ARHGEF38: variants seen among roughly 807,000 people sequenced by gnomAD.
ARHGEF38 encodes the protein Rho guanine nucleotide exchange factor (GEF) 38.
Under a neutral mutation model 79.9 loss-of-function variants are expected in ARHGEF38, and 79 were observed. The observed-to-expected ratio is 0.99, with a 90% confidence interval of 0.82 to 1.19. The LOEUF is 1.19. Among genes scored for constraint, ARHGEF38 ranks in the 50% most tolerant of loss-of-function variants. The pLI is 0.00. For synonymous variants in ARHGEF38, 366 were observed against 328.3 expected, an observed-to-expected ratio of 1.11 and a Z score of -1.24; for missense variants, 962 against 907.2, an observed-to-expected ratio of 1.06 and a Z score of -0.78.
intron 13 of ARHGEF38, among the ~76,000 whole-genome samples, chr4:105,676,141 TTC>T (rs1244795615): frequency 6.6e-6 from 1 of 152,236 alleles, no homozygotes; most frequent in Admixed American, 6.5e-5. Context: ...ACACTACGCA[TTC>T]TCTTTCTCTG....
At chr4:105,649,436 G>T (rs1729997641) in intron 7 of ARHGEF38, among the ~76,000 whole-genome samples, 1 of 152,182 alleles carries the variant, frequency 6.6e-6, no homozygotes, top group Non-Finnish European at 1.5e-5. Context: ...GTATTTTGAA[G>T]CCAATGATTT....
At chr4:105,568,934 A>G (rs563332013) in intron 1 of ARHGEF38, among the ~76,000 whole-genome samples, 34 of 152,350 alleles carry the variant, frequency 2.2e-4, no homozygotes, top group Middle Eastern at 3.4e-3. Context: ...CAAAACCTTA[A>G]GCTTGGTATA....
chr4:105,566,190 G>A (rs1189875508), intron 1 of ARHGEF38, among the ~76,000 whole-genome samples: 1 of 152,142 alleles, frequency 6.6e-6, no homozygotes, highest in Non-Finnish European at 1.5e-5. Flanking sequence ...TCTATCACTT[G>A]TACTTCAGCT....
At chr4:105,604,991 T>G (rs1727980495) in intron 2 of ARHGEF38, among the ~76,000 whole-genome samples, 1 of 152,190 alleles carries the variant, frequency 6.6e-6, no homozygotes, top group African/African-American at 2.4e-5. Context: ...CTAAACAATT[T>G]CTGAAAAGAT....
At chr4:105,605,710 G>A (rs551343135) in intron 2 of ARHGEF38, among the ~76,000 whole-genome samples, 9 of 152,148 alleles carry the variant, frequency 5.9e-5, no homozygotes, top group East Asian at 1.9e-4. Flanking sequence ...ACCCTGAAAC[G>A]CTTTGTAATC....
Position 105,648,593 on chromosome 4 carries a change from A to C in ARHGEF38, c.919A>C (p.Lys307Gln). Residue 307 changes from lysine (K) to glutamine (Q), a missense_variant, in exon 7 of 14, where the codon AAA becomes CAA. Physicochemically the swap from Lys to Gln is moderately conservative, Grantham distance 53. Transcript: ENST00000420470. The stretch of plus-strand genomic sequence containing the variant: ...TGACGAGGATGAATCACTTAAAGAC[A>C]AATTGTCTAAACTAAATATTCATTC... ...KNDEDESLKD[K>Q]LSKLNIHSIS... 6.5e-7 allele frequency: 1 copy of C among 1,531,348 alleles called. No individual in the cohort carries two copies. Among genetic ancestry groups the C allele is most frequent in the Non-Finnish European group, 8.7e-7 (1 of 1,145,080 alleles). The allele number at this position is 1,531,348 out of a possible 1,614,324, so 94.9% of individuals were successfully genotyped here. A position where few individuals can be genotyped will look rare whatever the true frequency, so the allele number is the denominator to read the frequency against.
At chr4:105,677,695 T>A (rs1731170574) in intron 13 of ARHGEF38, 57 bp from the exon 14 acceptor site, 4 of 1,335,848 alleles carry the variant, frequency 3.0e-6, no homozygotes, top group Non-Finnish European at 3.9e-6. Flanking sequence ...ACTTTTATGA[T>A]GTTTCTCTTA....
At chr4:105,615,437 A>T (rs989756793) in intron 3 of ARHGEF38, among the ~76,000 whole-genome samples, 1 of 152,196 alleles carries the variant, frequency 6.6e-6, no homozygotes, top group Non-Finnish European at 1.5e-5. Context: ...TACAGTGAAA[A>T]TTTTTAAAAA....
Position 105,583,683 on chromosome 4 carries a change from A to G in ARHGEF38, c.197-5565A>G, listed in dbSNP as rs78265225. Among the ~76,000 whole-genome samples the G allele has an allele frequency of 2.0e-5, 3 of 152,224 alleles. No homozygotes were observed. In the South Asian group the frequency reaches 6.2e-4, roughly 32 times the overall value. On this transcript the variant is annotated intron_variant, in intron 1 of 13. Coordinates refer to ENST00000420470, the MANE Select transcript of ARHGEF38 (RefSeq NM_001242729.2). Reference sequence around the variant, plus strand: ...AAATTATTTATGTTCTTCTTCCCCAACTAGAAGTAAAGTTCCATAAGGAAA... The same window carrying G: ...AAATTATTTATGTTCTTCTTCCCCAGCTAGAAGTAAAGTTCCATAAGGAAA...
chr4:105,618,256 A>G (rs1219164457), intron 3 of ARHGEF38, among the ~76,000 whole-genome samples: 1 of 152,200 alleles, frequency 6.6e-6, no homozygotes. Flanking sequence ...TTGAATTATA[A>G]CCCACAGAAA....
chr4:105,642,491 CAGAGCCTA>C (rs1158218875), intron 5 of ARHGEF38, among the ~76,000 whole-genome samples: 1 of 152,150 alleles, frequency 6.6e-6, no homozygotes. Flanking sequence ...CTAGACACAA[CAGAGCCTA>C]AGTTGGTTTT....
chr4:105,579,865 C>T (rs1359853283), intron 1 of ARHGEF38, among the ~76,000 whole-genome samples: 5 of 152,094 alleles, frequency 3.3e-5, no homozygotes, highest in Non-Finnish European at 5.9e-5. Context: ...TGGTACTGAG[C>T]TTCTTTTGGT....
intron 1 of ARHGEF38, among the ~76,000 whole-genome samples, chr4:105,575,310 C>T (rs922320541): frequency 6.6e-6 from 1 of 152,146 alleles, no homozygotes; most frequent in Non-Finnish European, 1.5e-5. Context: ...ACATCTACAT[C>T]AACATCTATC....
intron 3 of ARHGEF38, among the ~76,000 whole-genome samples, chr4:105,620,224 G>A (rs574932481): frequency 6.6e-6 from 1 of 152,314 alleles, no homozygotes; most frequent in South Asian, 2.1e-4. Context: ...TGTGGCTCTT[G>A]TTTCCACTTA....
chr4:105,553,905 C>A (rs1056822601), intron 1 of ARHGEF38, among the ~76,000 whole-genome samples: 8 of 151,968 alleles, frequency 5.3e-5, no homozygotes, highest in African/African-American at 1.7e-4. Context: ...TCAGAAAGAC[C>A]GATAGGACAT....
intron 7 of ARHGEF38, among the ~76,000 whole-genome samples, 166 bp downstream of exon 7, chr4:105,648,848 T>C (rs866168313): frequency 1.2e-3 from 132 of 108,488 alleles, no homozygotes; most frequent in African/African-American, 5.9e-3. Flanking sequence ...CTCTCTCTCT[T>C]TCTCTCTCTC....
intron 2 of ARHGEF38, among the ~76,000 whole-genome samples, chr4:105,593,031 T>C (rs960999448): frequency 2.6e-5 from 4 of 152,192 alleles, no homozygotes; most frequent in Admixed American, 2.6e-4. Flanking sequence ...CACTATTATC[T>C]ACTATCTTAA....
chr4:105,660,852 C>G (rs1176747224), intron 10 of ARHGEF38, among the ~76,000 whole-genome samples: 1 of 151,830 alleles, frequency 6.6e-6, no homozygotes, highest in Non-Finnish European at 1.5e-5. Flanking sequence ...ATTTGTATAC[C>G]ATACATTCCA....
chr4:105,666,983 C>T, intron 11 of ARHGEF38, 146 bp from the exon 12 acceptor site: 1 of 704,028 alleles, frequency 1.4e-6, no homozygotes, highest in Non-Finnish European at 2.3e-6. Flanking sequence ...CGATAATAGC[C>T]TGCTCTATGC....
Sources: gnomAD v4.1 joint callset for allele counts (sites outside exome capture counted in the v4.1 genomes callset) on GRCh38, gnomAD v4.1.1 for gene constraint, MANE v1.5 for transcripts, NCBI Gene and HGNC (gene_info 2026-07-23, HGNC 2026-07-21) for gene names.